CHRM3: variants seen among roughly 807,000 people sequenced by gnomAD.
The protein encoded by CHRM3 is muscarinic acetylcholine receptor M3.
In CHRM3, 11 loss-of-function variants were observed where a neutral mutation model predicts 41.8. The ratio of observed to expected loss-of-function variants is 0.26; its 90% CI spans 0.17 to 0.44. The LOEUF (loss-of-function observed/expected upper bound fraction) is 0.44. CHRM3 is among the 20% of genes least tolerant of loss of function. CHRM3 has a pLI of 1.00. For missense variants in CHRM3, 571 were observed against 745.4 expected, an observed-to-expected ratio of 0.77 and a Z score of 2.72; for synonymous variants, 297 against 301.4, an observed-to-expected ratio of 0.99 and a Z score of 0.15.
intron 1 of CHRM3, among the ~76,000 whole-genome samples, chr1:239,411,567 A>C (rs1033440351): frequency 6.6e-6 from 1 of 151,840 alleles, no homozygotes; most frequent in Non-Finnish European, 1.5e-5. Flanking sequence ...TTTACTAAAA[A>C]TACAAAAATT....
intron 1 of CHRM3, among the ~76,000 whole-genome samples, chr1:239,487,245 A>G (rs959900674): frequency 1.4e-4 from 21 of 152,164 alleles, no homozygotes; most frequent in Non-Finnish European, 2.6e-4. Flanking sequence ...AGGTACATTG[A>G]AACCCCTAAT....
intron 6 of CHRM3, among the ~76,000 whole-genome samples, chr1:239,892,337 T>C (rs1304028441): frequency 6.6e-6 from 1 of 152,230 alleles, no homozygotes; most frequent in African/African-American, 2.4e-5. Flanking sequence ...ACTTGTTTCA[T>C]TTTCACAGAT....
chr1:239,797,305 A>C (rs1019073945), intron 5 of CHRM3, among the ~76,000 whole-genome samples: 1 of 152,134 alleles, frequency 6.6e-6, no homozygotes, highest in East Asian at 1.9e-4. Flanking sequence ...AGCATCACGC[A>C]ATATATCCAG....
intron 5 of CHRM3, among the ~76,000 whole-genome samples, chr1:239,728,176 A>T (rs1374846523): frequency 1.3e-5 from 2 of 151,918 alleles, no homozygotes; most frequent in African/African-American, 4.8e-5. Flanking sequence ...GGTTTTCTGG[A>T]AGTGGAGCAA....
chr1:239,484,303 G>A (rs1327475115), intron 1 of CHRM3, among the ~76,000 whole-genome samples: 1 of 152,076 alleles, frequency 6.6e-6, no homozygotes, highest in Non-Finnish European at 1.5e-5. Flanking sequence ...AGAGAGAGGA[G>A]GTGCCATACT....
chr1:239,699,625 TTTAA>T (rs2148075227), intron 5 of CHRM3, among the ~76,000 whole-genome samples: 1 of 152,306 alleles, frequency 6.6e-6, no homozygotes, highest in African/African-American at 2.4e-5. Context: ...TCATGTGTTG[TTTAA>T]TTATTTCTGA....
chr1:239,453,590 C>T (rs1664716606), intron 1 of CHRM3, among the ~76,000 whole-genome samples: 4 of 151,840 alleles, frequency 2.6e-5, no homozygotes, highest in Admixed American at 2.6e-4. Context: ...GGATATATTC[C>T]AAAATGAATG....
chr1:239,597,953 G>A (rs1447086535), intron 3 of CHRM3, among the ~76,000 whole-genome samples: 1 of 149,894 alleles, frequency 6.7e-6, no homozygotes, highest in Non-Finnish European at 1.5e-5. Flanking sequence ...GGCATTGTCT[G>A]GGGACAAGGC....
intron 2 of CHRM3, among the ~76,000 whole-genome samples, chr1:239,519,875 G>C (rs1031479573): frequency 6.8e-6 from 1 of 147,100 alleles, no homozygotes. Flanking sequence ...AGCCTCCCTA[G>C]TAGCTGGGAC....
intron 5 of CHRM3, among the ~76,000 whole-genome samples, chr1:239,817,991 T>A (rs1671734712): frequency 2.0e-5 from 3 of 152,224 alleles, no homozygotes; most frequent in Admixed American, 2.0e-4. Context: ...ATAGTATGCC[T>A]GGTATTTGGC....
chr1:239,850,151 T>C (rs1227495099), intron 6 of CHRM3, among the ~76,000 whole-genome samples: 1 of 152,220 alleles, frequency 6.6e-6, no homozygotes, highest in Non-Finnish European at 1.5e-5. Context: ...ATATTTTGTT[T>C]GTTATATTAA....
chr1:239,889,566 T>A (rs1028917862), intron 6 of CHRM3, among the ~76,000 whole-genome samples: 1 of 152,170 alleles, frequency 6.6e-6, no homozygotes, highest in African/African-American at 2.4e-5. Context: ...AAAAATGATT[T>A]CTTGGGCCGC....
At chr1:239,633,840 A>G (rs1396395070) in intron 4 of CHRM3, among the ~76,000 whole-genome samples, 1 of 152,098 alleles carries the variant, frequency 6.6e-6, no homozygotes, top group Non-Finnish European at 1.5e-5. Flanking sequence ...TGCATGAGAC[A>G]CATACAGTCC....
chr1:239,402,740 T>A (rs903604748), intron 1 of CHRM3, among the ~76,000 whole-genome samples: 1 of 152,218 alleles, frequency 6.6e-6, no homozygotes, highest in Non-Finnish European at 1.5e-5. Context: ...GGACCTCTAG[T>A]GGATACCAAA....
intron 1 of CHRM3, among the ~76,000 whole-genome samples, chr1:239,395,510 C>G (rs1186458600): frequency 6.6e-6 from 1 of 152,132 alleles, no homozygotes; most frequent in African/African-American, 2.4e-5. Flanking sequence ...ATGATTCAAC[C>G]AAGTAAGATC....
intron 4 of CHRM3, among the ~76,000 whole-genome samples, chr1:239,657,848 A>G (rs988162207): frequency 2.2e-4 from 33 of 152,206 alleles, no homozygotes; most frequent in African/African-American, 7.5e-4. Context: ...GGCTTCATTT[A>G]TCTCTTATGT....
intron 5 of CHRM3, among the ~76,000 whole-genome samples, chr1:239,810,046 GA>G (rs948566367): frequency 1.3e-5 from 2 of 152,188 alleles, no homozygotes; most frequent in African/African-American, 4.8e-5. Flanking sequence ...GCACTCAAAG[GA>G]GGCCGCGTAT....
intron 1 of CHRM3, among the ~76,000 whole-genome samples, chr1:239,397,497 C>T (rs746453238): frequency 6.6e-6 from 1 of 151,630 alleles, no homozygotes; most frequent in African/African-American, 2.4e-5. Context: ...ACAGTGAAAC[C>T]CCTTCTCTCC....
At chr1:239,822,401 T>G (rs1186523477) in intron 5 of CHRM3, among the ~76,000 whole-genome samples, 1 of 152,210 alleles carries the variant, frequency 6.6e-6, no homozygotes, top group Middle Eastern at 3.2e-3. Flanking sequence ...AGAGAGCTTT[T>G]CTACTTTCTA....
Sources: allele counts gnomAD v4.1 joint callset (sites outside exome capture counted in the v4.1 genomes callset), GRCh38; gene constraint gnomAD v4.1.1; transcripts MANE v1.5; gene names NCBI Gene and HGNC (gene_info 2026-07-23, HGNC 2026-07-21).